The following TMEM45B variants were observed in gnomAD, a reference collection of about 807,000 sequenced individuals.
TMEM45B encodes transmembrane protein 45B.
In TMEM45B, 29 loss-of-function variants were observed where a neutral mutation model predicts 27.3. The observed-to-expected ratio is 1.06, with a 90% CI of 0.79 to 1.45. The LOEUF is 1.45. TMEM45B is among the 40% of genes most tolerant of loss of function. The probability of loss-of-function intolerance (pLI) is 0.00; values close to 1 mark genes in which losing one functional copy is unlikely to be tolerated. For missense variants in TMEM45B, 348 were observed against 343.9 expected (o/e 1.01, Z -0.09); for synonymous variants, 143 against 134.7 (o/e 1.06, Z -0.43).
At chr11:129,825,297 G>T (rs1343306212) in intron 1 of TMEM45B, among the ~76,000 whole-genome samples, 1 of 151,998 alleles carries the variant, frequency 6.6e-6, no homozygotes, top group African/African-American at 2.4e-5. Context: ...ATGGTGAGGG[G>T]AGAAGAGAGT....
rs148622359 is a variant in TMEM45B at position 129,855,808 on chromosome 11, C to T, written c.486C>T (p.Ser162=). ...YALFGGCVSI[S]LEVIFRDHIV... is the part of the protein sequence containing the mutation. ...TGTTCGGAGGGTGTGTTAGTATCTC[C>T]CTAGAGGTGATCTTCCGGGACCACA... is the stretch of plus-strand genomic sequence containing the variant. Residue 162 remains serine, a synonymous_variant, in exon 4 of 6, where the codon TCC becomes TCT. Coordinates refer to ENST00000281441, the MANE Select transcript of TMEM45B (RefSeq NM_138788.5). The T allele has an allele frequency of 6.3e-5, 102 of 1,614,032 alleles. No individual in the cohort carries two copies. Among genetic ancestry groups the T allele is most frequent in the Non-Finnish European group, 8.3e-5 (98 of 1,180,040 alleles).
intron 1 of TMEM45B, among the ~76,000 whole-genome samples, chr11:129,848,148 T>C (rs1172868176): frequency 6.6e-6 from 1 of 152,108 alleles, no homozygotes; most frequent in South Asian, 2.1e-4. Flanking sequence ...CTCGGCACTT[T>C]GGGAGGCCAA....
chr11:129,821,031 T>C (rs926412900), intron 1 of TMEM45B, among the ~76,000 whole-genome samples: 1 of 152,138 alleles, frequency 6.6e-6, no homozygotes, highest in African/African-American at 2.4e-5. Context: ...CATCCCTTTC[T>C]TTTAAGTTCC....
rs1947655423 is a variant in TMEM45B, at chr11:129,838,771, G to A, written c.-8-13704G>A. On this transcript the variant is annotated intron_variant, in intron 1 of 5. Coordinates refer to ENST00000281441, the MANE Select transcript of TMEM45B (RefSeq NM_138788.5). ...GAGCAACGTAATGTTAGAGAGTGCT[G>A]GTTGCCAAGCCTAGGCACTTGAGGA... 2.0e-5 allele frequency among the ~76,000 whole-genome samples: 3 copies of A among 152,286 alleles called. No homozygotes were observed. In the South Asian group the frequency reaches 6.2e-4, roughly 32 times the overall value.
At chr11:129,829,961 C>T (rs1450068521) in intron 1 of TMEM45B, among the ~76,000 whole-genome samples, 1 of 152,206 alleles carries the variant, frequency 6.6e-6, no homozygotes, top group Non-Finnish European at 1.5e-5. Context: ...TAACAAATGG[C>T]TGGGACACTT....
intron 1 of TMEM45B, among the ~76,000 whole-genome samples, chr11:129,845,337 ATG>A (rs10628378): frequency 0.27 from 32,985 of 121,070 alleles, 4,732 homozygotes; most frequent in East Asian, 0.45. Flanking sequence ...GCTATTATAG[ATG>A]TGTGTGTGTG....
At chr11:129,836,181 G>A (rs963718224) in intron 1 of TMEM45B, among the ~76,000 whole-genome samples, 15 of 151,990 alleles carry the variant, frequency 9.9e-5, no homozygotes, top group Admixed American at 6.6e-4. Flanking sequence ...GGAGATCCAT[G>A]ACCACTTTCT....
chr11:129,843,886 A>C (rs1000225718), intron 1 of TMEM45B, among the ~76,000 whole-genome samples: 1 of 152,242 alleles, frequency 6.6e-6, no homozygotes, highest in African/African-American at 2.4e-5. Flanking sequence ...AACAGTGTGG[A>C]GGTTTCTCAA....
At position 129,857,603 on chromosome 11, in the gene TMEM45B, T is replaced by A. The variant is rs1025174000; in HGVS notation, c.716+145T>A. ...CAGGGAAGGTATCACTACCCTTATTTGCAAACAAGGGGAATGAGGCTTTTC... is the reference window on the plus strand; with the variant it reads ...CAGGGAAGGTATCACTACCCTTATTAGCAAACAAGGGGAATGAGGCTTTTC... On this transcript the variant is annotated intron_variant, in intron 5 of 5. Transcript: ENST00000281441. 1.1e-5 allele frequency: 10 copies of A among 881,150 alleles called. No homozygotes were observed. In the Middle Eastern group the frequency reaches 2.4e-3, roughly 211 times the overall value. The allele number at this position is 881,150 out of a possible 1,614,324, so 54.6% of individuals were successfully genotyped here.
intron 1 of TMEM45B, among the ~76,000 whole-genome samples, chr11:129,826,355 C>T (rs1947478831): frequency 1.3e-5 from 2 of 151,878 alleles, no homozygotes; most frequent in Non-Finnish European, 2.9e-5. Context: ...CGAGACCATC[C>T]TGGCTAACAC....
intron 1 of TMEM45B, among the ~76,000 whole-genome samples, chr11:129,844,802 T>C (rs897970831): frequency 6.6e-6 from 1 of 152,238 alleles, no homozygotes; most frequent in Non-Finnish European, 1.5e-5. Context: ...ATAACTCTGT[T>C]AATTAGCTTG....
intron 1 of TMEM45B, among the ~76,000 whole-genome samples, chr11:129,826,493 G>T (rs1246438171): frequency 2.8e-5 from 4 of 143,554 alleles, no homozygotes; most frequent in Non-Finnish European, 4.5e-5. Context: ...AGCTTGCAGT[G>T]AGCCGAGATG....
intron 1 of TMEM45B, among the ~76,000 whole-genome samples, chr11:129,837,781 T>C (rs1205518853): frequency 7.3e-6 from 1 of 136,686 alleles, no homozygotes; most frequent in Non-Finnish European, 1.6e-5. Flanking sequence ...TAGTTTCTTT[T>C]TTTTTTTTTT....
intron 2 of TMEM45B, among the ~76,000 whole-genome samples, chr11:129,854,093 G>A (rs1043532769): frequency 2.0e-5 from 3 of 152,162 alleles, no homozygotes; most frequent in Non-Finnish European, 4.4e-5. Context: ...GGAAGGACAC[G>A]CACTCAAAAT....
rs74632321 is a variant in TMEM45B, at chr11:129,846,000, A to C, written c.-8-6475A>C. Among the ~76,000 whole-genome samples the C allele has an allele frequency of 7.9e-5, 12 of 152,364 alleles. No individual in the cohort carries two copies. In the East Asian group the frequency reaches 2.1e-3, roughly 27 times the overall value. On this transcript the variant is annotated intron_variant, in intron 1 of 5. Transcript: ENST00000281441. ...GTTCAATTTTAAAGAGAATATTCTC[A>C]AAACAGGTCTCTAGGAATAAAACAG...
intron 1 of TMEM45B, among the ~76,000 whole-genome samples, chr11:129,840,946 TAA>T (rs55905045): frequency 0.08 from 2,344 of 29,128 alleles, 41 homozygotes; most frequent in Non-Finnish European, 0.093. Context: ...TTTCTTTCTG[TAA>T]AAAAAAAAAA....
At chr11:129,817,762 C>A (rs1947369749) in intron 1 of TMEM45B, among the ~76,000 whole-genome samples, 2 of 152,172 alleles carry the variant, frequency 1.3e-5, no homozygotes, top group Non-Finnish European at 1.5e-5. Flanking sequence ...CTCATCTCCC[C>A]CCTACCTGCA....
chr11:129,827,586 G>A (rs774942441), intron 1 of TMEM45B, among the ~76,000 whole-genome samples: 3 of 152,088 alleles, frequency 2.0e-5, no homozygotes, highest in Admixed American at 1.3e-4. Context: ...GGCAGATCAC[G>A]TGAGGTCGGG....
intron 1 of TMEM45B, among the ~76,000 whole-genome samples, chr11:129,828,757 C>G (rs1373574300): frequency 6.6e-6 from 1 of 152,182 alleles, no homozygotes; most frequent in Non-Finnish European, 1.5e-5. Context: ...TATGATCACC[C>G]TATAACCTAC....
Sources: allele counts gnomAD v4.1 joint callset (sites outside exome capture counted in the v4.1 genomes callset), GRCh38; gene constraint gnomAD v4.1.1; transcripts MANE v1.5; gene names NCBI Gene and HGNC (gene_info 2026-07-23, HGNC 2026-07-21).